The following SETMAR variants were observed in gnomAD, a reference collection of about 807,000 sequenced individuals.
The protein encoded by SETMAR is histone-lysine N-methyltransferase SETMAR.
SETMAR carries 44 observed loss-of-function variants against 58.4 expected under a neutral mutation model. That is an observed-to-expected ratio of 0.75 (90% confidence interval 0.59 to 0.97). The LOEUF is 0.97. Ranked by LOEUF, SETMAR falls within the 50% of genes least tolerant of loss-of-function variation. The pLI is 0.00. For missense variants in SETMAR, 903 were observed against 840.2 expected (o/e 1.07, Z -0.92); for synonymous variants, 332 against 307.4 (o/e 1.08, Z -0.84).
rs1472736721 is a variant in SETMAR, at chr3:4,316,827, A to C, written c.1636A>C (p.Ser546Arg). ...GTCTGCTGCTGGTCTGATCCACTAC[A>C]GCTTTCTGAATCCCGGTGAAACCAT... ...WWSAAGLIHY[S>R]FLNPGETITS... is the part of the protein sequence containing the mutation. The change falls in exon 3 of 3, where the codon AGC (serine) becomes CGC (arginine). Residue 546 changes from serine to arginine, a missense_variant. Coordinates refer to ENST00000358065, the MANE Select transcript of SETMAR (RefSeq NM_006515.4). 16 of 1,550,538 alleles carry C rather than the reference A, an allele frequency of 1.0e-5. No homozygotes were observed. The highest frequency in any genetic ancestry group is 1.4e-5 in the Non-Finnish European group (16 of 1,146,748).
At position 4,313,463 on chromosome 3, in the gene SETMAR, T is replaced by C. The variant is rs1698503533; in HGVS notation, c.722T>C (p.Val241Ala). 1 of 1,614,010 alleles carries C rather than the reference T, an allele frequency of 6.2e-7. No homozygotes were observed. Among genetic ancestry groups the C allele is most frequent in the South Asian group, 1.1e-5 (1 of 91,068 alleles). The stretch of plus-strand genomic sequence containing the variant: ...ATTCCTGTCCGAATTGACTCAATGG[T>C]ACCTAAGTTGGCACTTTTTGCAGCC... ...LMIPVRIDSM[V>A]PKLALFAAKD... The change falls in exon 2 of 3, where the codon GTA (valine) becomes GCA (alanine). Residue 241 changes from valine to alanine, a missense_variant. Transcript: ENST00000358065.
Position 4,313,061 on chromosome 3 carries a change from C to A in SETMAR, c.320C>A (p.Ser107Tyr). The change falls in exon 2 of 3, where the codon TCT becomes TAT. Residue 107 changes from serine (S) to tyrosine (Y), a missense_variant. By Grantham distance (144) the Ser-to-Tyr change is moderately radical. Transcript: ENST00000358065. ...AACTCATGCCTTAGAGATATAGGATCTGGAGGAAAGTATGCAGAGCCTGTT... is the reference window on the plus strand; with the variant it reads ...AACTCATGCCTTAGAGATATAGGATATGGAGGAAAGTATGCAGAGCCTGTT... ...DDNSCLRDIG[S>Y]GGKYAEPVFE... 6.2e-7 allele frequency: 1 copy of A among 1,613,946 alleles called. No individual in the cohort carries two copies.
chr3:4,313,674 G>T lies in SETMAR; in HGVS notation c.933G>T (p.Ser311=). 1 of 1,613,958 alleles carries T rather than the reference G, an allele frequency of 6.2e-7. No homozygotes were observed. Among genetic ancestry groups the T allele is most frequent in the Non-Finnish European group, 8.5e-7 (1 of 1,179,958 alleles). ...CTCTGTACTGCCCCGTAGAAAAGTCGAACATCAGTTGTGGAAATGAGAAGG... is the reference window on the plus strand; with the variant it reads ...CTCTGTACTGCCCCGTAGAAAAGTCTAACATCAGTTGTGGAAATGAGAAGG... ...DSSLYCPVEK[S]NISCGNEKEP... is the part of the protein sequence containing the mutation. Residue 311 remains serine (S), a synonymous_variant, in exon 2 of 3, where the codon TCG becomes TCT. Coordinates refer to ENST00000358065, the MANE Select transcript of SETMAR (RefSeq NM_006515.4).
chr3:4,315,457 A>C (rs9823990), intron 2 of SETMAR, among the ~76,000 whole-genome samples: 11,420 of 152,076 alleles, frequency 0.075, 494 homozygotes, highest in Middle Eastern at 0.13. Flanking sequence ...GCCCCCTCCA[A>C]CTCAGTGCCT....
intron 1 of SETMAR, among the ~76,000 whole-genome samples, chr3:4,309,478 ATT>A (rs1698319356): frequency 1.3e-5 from 2 of 152,310 alleles, no homozygotes; most frequent in African/African-American, 4.8e-5. Context: ...GTCAGGACTC[ATT>A]TGTTTGCAAG....
chr3:4,310,343 A>G (rs1016602961), intron 1 of SETMAR, among the ~76,000 whole-genome samples: 1 of 152,248 alleles, frequency 6.6e-6, no homozygotes, highest in African/African-American at 2.4e-5. Context: ...AAATTAGACT[A>G]AAAGTTTTCA....
chr3:4,308,850 C>A (rs1698295185), intron 1 of SETMAR, among the ~76,000 whole-genome samples: 2 of 151,932 alleles, frequency 1.3e-5, no homozygotes, highest in Non-Finnish European at 2.9e-5. Context: ...TCAAACTCTG[C>A]AAAATATTTG....
chr3:4,303,684 G>A (rs1281190145), intron 1 of SETMAR, 158 bp downstream of exon 1: 2 of 1,495,626 alleles, frequency 1.3e-6, no homozygotes, highest in Middle Eastern at 2.0e-4. Context: ...GCCCCGGCCT[G>A]GGCCTTTTTC....
intron 1 of SETMAR, among the ~76,000 whole-genome samples, chr3:4,308,009 A>G (rs188142796): frequency 6.6e-6 from 1 of 152,156 alleles, no homozygotes; most frequent in Non-Finnish European, 1.5e-5. Flanking sequence ...TGCACTCCAG[A>G]CTGGGCAGCA....
chr3:4,316,963 G>T lies in SETMAR; in HGVS notation c.1772G>T (p.Arg591Leu). 6.5e-7 allele frequency: 1 copy of T among 1,549,380 alleles called. No individual in the cohort carries two copies. The highest frequency in any genetic ancestry group is 1.2e-5 in the South Asian group (1 of 83,948). The change falls in exon 3 of 3, where the codon CGA becomes CTA. Residue 591 changes from arginine (R) to leucine (L), a missense_variant. Transcript: ENST00000358065. Reference protein sequence around the residue: ...KGPILLHDNARPHVAQPTLQK... With the variant: ...KGPILLHDNALPHVAQPTLQK... ...CCAATTCTTCTCCACGACAATGCCCGACCGCATGTTGCACAACCCACACTT... is the reference window on the plus strand; with the variant it reads ...CCAATTCTTCTCCACGACAATGCCCTACCGCATGTTGCACAACCCACACTT...
chr3:4,316,607 T>G lies in SETMAR; in HGVS notation c.1416T>G (p.Arg472=). The change falls in exon 3 of 3, where the codon CGT becomes CGG. Residue 472 remains arginine (R), a synonymous_variant. Transcript: ENST00000358065. ...TGACTGAAAATCAAAAAAATCGTCG[T>G]TTTGAAGTGTCATCTTCTCTTATTC... ...HELTENQKNR[R]FEVSSSLILR... is the part of the protein sequence containing the mutation. 1 of 1,551,254 alleles carries G rather than the reference T, an allele frequency of 6.4e-7. No homozygotes were observed. The highest frequency in any genetic ancestry group is 8.7e-7 in the Non-Finnish European group (1 of 1,146,778).
At chr3:4,308,348 T>A (rs1698273331) in intron 1 of SETMAR, among the ~76,000 whole-genome samples, 1 of 152,230 alleles carries the variant, frequency 6.6e-6, no homozygotes. Flanking sequence ...TAGAGTAAGC[T>A]TTTTAAGCCA....
chr3:4,312,998 C>T lies in SETMAR; in HGVS notation c.257C>T (p.Thr86Ile), dbSNP rs148355144. Reference sequence around the variant, plus strand: ...GTCAAAACTCCCTGCCTCCCTGGCACTTGCTCCTGTCTCCGCCATGGAGAG... The same window carrying T: ...GTCAAAACTCCCTGCCTCCCTGGCATTTGCTCCTGTCTCCGCCATGGAGAG... The part of the protein sequence containing the change: ...ICVKTPCLPG[T>I]CSCLRHGENY... The change falls in exon 2 of 3, where the codon ACT becomes ATT. Residue 86 changes from threonine to isoleucine, a missense_variant. Transcript: ENST00000358065. The T allele has an allele frequency of 3.0e-5, 48 of 1,614,030 alleles. No individual in the cohort carries two copies. The African/African-American group carries it at 5.9e-4, about 20-fold the overall frequency.
intron 1 of SETMAR, among the ~76,000 whole-genome samples, chr3:4,307,306 G>A (rs1698228074): frequency 6.6e-6 from 1 of 152,190 alleles, no homozygotes; most frequent in Non-Finnish European, 1.5e-5. Flanking sequence ...TGCTTCTTGA[G>A]CACCTGCTGT....
intron 2 of SETMAR, chr3:4,314,041 T>C: frequency 1.9e-6 from 1 of 533,562 alleles, no homozygotes; most frequent in Non-Finnish European, 3.3e-6. Flanking sequence ...GGAGATATCC[T>C]GCCCTTCACC....
At chr3:4,304,012 C>G (rs1437660641) in intron 1 of SETMAR, 1 of 361,860 alleles carries the variant, frequency 2.8e-6, no homozygotes, top group African/African-American at 2.2e-5. Flanking sequence ...GCCTTAGAGT[C>G]TTCCAGCGTA....
chr3:4,307,931 C>G (rs1008256451), intron 1 of SETMAR, among the ~76,000 whole-genome samples: 1 of 152,038 alleles, frequency 6.6e-6, no homozygotes, highest in African/African-American at 2.4e-5. Context: ...TGCCTGTAGT[C>G]CCACCTACTT....
chr3:4,304,972 T>TG (rs1023909563), intron 1 of SETMAR, among the ~76,000 whole-genome samples: 40 of 135,340 alleles, frequency 3.0e-4, no homozygotes, highest in South Asian at 7.4e-4. Context: ...CTCAAAGTGG[T>TG]GGGGGGGGCT....
Position 4,315,738 on chromosome 3 carries a change from T to C in SETMAR, c.1021-474T>C, listed in dbSNP as rs78089036. On this transcript the variant is annotated intron_variant, in intron 2 of 2. Coordinates refer to ENST00000358065, the MANE Select transcript of SETMAR (RefSeq NM_006515.4). ...CATGATAAAATAACATTTTTATAAA[T>C]TATAAGATTCAAATTTTAAAAGATG... is the stretch of plus-strand genomic sequence containing the variant. Among the ~76,000 whole-genome samples the C allele has an allele frequency of 5.2e-3, 795 of 152,190 alleles. 11 individuals are homozygous for C. Among genetic ancestry groups the C allele is most frequent in the African/African-American group, 0.019 (771 of 41,530 alleles).
Sources: allele counts gnomAD v4.1 joint callset (sites outside exome capture counted in the v4.1 genomes callset), GRCh38; gene constraint gnomAD v4.1.1; transcripts MANE v1.5; gene names NCBI Gene and HGNC (gene_info 2026-07-23, HGNC 2026-07-21).